NF2: variants seen among roughly 807,000 people sequenced by gnomAD.
NF2 encodes NF2, moesin-ezrin-radixin like (MERLIN) tumor suppressor, also known as merlin.
In NF2, 8 loss-of-function variants were observed where a neutral mutation model predicts 83.7. That is an observed-to-expected ratio of 0.10 (90% CI 0.06 to 0.17). The LOEUF (loss-of-function observed/expected upper bound fraction) is 0.17. Ranked by LOEUF, NF2 falls within the 10% of genes least tolerant of loss-of-function variation. NF2 has a pLI of 1.00. For synonymous variants in NF2, 266 were observed against 269.6 expected (o/e 0.99, Z 0.13); for missense variants, 533 against 744.4 (o/e 0.72, Z 3.31).
intron 1 of NF2, among the ~76,000 whole-genome samples, chr22:29,628,140 CTGTGTGTGTGTGTGTGTGTGTGTGTGTG>C (rs3138701): frequency 7.2e-6 from 1 of 139,676 alleles, no homozygotes. Flanking sequence ...GAGACTTAAT[CTGTGTGTGTGTGTGTGTGTGTGTGTGTG>C]TGTGTGTGTG....
Position 29,696,070 on chromosome 22 carries a change from T to TC in NF2, c.*1268_*1269insC, listed in dbSNP as rs898664956. 4 of 206,222 alleles carry TC rather than the reference T, an allele frequency of 1.9e-5. No individual in the cohort carries two copies. The highest frequency in any genetic ancestry group is 9.5e-5 in the African/African-American group (4 of 41,886). The allele number at this position is 206,222 out of a possible 1,614,324, so 12.8% of individuals were successfully genotyped here. A position where few individuals can be genotyped will look rare whatever the true frequency, so the allele number is the denominator to read the frequency against. On this transcript the variant is annotated 3_prime_UTR_variant, in exon 16 of 16. Coordinates refer to ENST00000338641, the MANE Select transcript of NF2 (RefSeq NM_000268.4). ...GGGGCCACCTTCTTGCCCTTTCTTT[T>TC]TTTTTTTTTTTTTTTTTTTCCGAGA...
intron 1 of NF2, among the ~76,000 whole-genome samples, chr22:29,612,069 G>A (rs748237781): frequency 2.0e-5 from 3 of 152,206 alleles, no homozygotes; most frequent in South Asian, 4.1e-4. Context: ...ATGCGGTGGC[G>A]CGATCTCGGC....
rs541777711 is a variant in NF2 at position 29,636,913 on chromosome 22, G to A, written c.240+37G>A. On this transcript the variant is annotated intron_variant, in intron 2 of 15. Transcript: ENST00000338641. This position sits in a 1 kb window ranked among gnomAD's most constrained non-coding sequence, Gnocchi z 4.4. ...ACTCGATGAAACTGGTGGGGCTGAC[G>A]TGAGCTTTCCAGTTTTTCCCTGAGC... 6.2e-6 allele frequency: 10 copies of A among 1,613,340 alleles called. No individual in the cohort carries two copies. Among genetic ancestry groups the A allele is most frequent in the Admixed American group, 5.0e-5 (3 of 60,024 alleles).
intron 13 of NF2, among the ~76,000 whole-genome samples, chr22:29,675,764 C>T (rs764865364): frequency 6.6e-6 from 1 of 152,070 alleles, no homozygotes; most frequent in Non-Finnish European, 1.5e-5. Flanking sequence ...GACACACACA[C>T]GTACCCATAC....
At chr22:29,642,334 C>A (rs2146896039) in intron 4 of NF2, 49 bp downstream of exon 4, 2 of 1,416,592 alleles carry the variant, frequency 1.4e-6, no homozygotes, top group South Asian at 1.2e-5. Flanking sequence ...TAATTTGGGT[C>A]ATGGGATCAC....
intron 15 of NF2, among the ~76,000 whole-genome samples, chr22:29,682,158 C>T (rs1011975967): frequency 6.6e-6 from 1 of 152,034 alleles, no homozygotes; most frequent in Non-Finnish European, 1.5e-5. Context: ...TCAGCATTGT[C>T]GAGATTCAGA....
At chr22:29,632,289 A>G (rs2065535292) in intron 1 of NF2, among the ~76,000 whole-genome samples, 2 of 152,044 alleles carry the variant, frequency 1.3e-5, no homozygotes, top group Non-Finnish European at 2.9e-5. Flanking sequence ...ACTTGTGCAT[A>G]TGCTATTCCC....
At chr22:29,646,623 C>T (rs2065988471) in intron 4 of NF2, among the ~76,000 whole-genome samples, 1 of 152,172 alleles carries the variant, frequency 6.6e-6, no homozygotes, top group South Asian at 2.1e-4. Flanking sequence ...AGTATTTCAG[C>T]TGTTGGAATG....
chr22:29,605,148 C>A (rs1330172112), intron 1 of NF2, among the ~76,000 whole-genome samples: 1 of 125,726 alleles, frequency 8.0e-6, no homozygotes, highest in East Asian at 2.5e-4. Context: ...CCACACCTGG[C>A]TAATTTTTTT....
At chr22:29,668,500 T>C (rs766590635) in intron 10 of NF2, 54 bp downstream of exon 10, 249 of 1,420,322 alleles carry the variant, frequency 1.8e-4, no homozygotes, top group Non-Finnish European at 2.4e-4. Flanking sequence ...AGTCCTGGCC[T>C]GGGAGGCGAG....
chr22:29,622,646 ATTTTTTTTT>A (rs35744962), intron 1 of NF2, among the ~76,000 whole-genome samples: 44 of 63,280 alleles, frequency 7.0e-4, no homozygotes, highest in Middle Eastern at 0.013. Context: ...AAGACCCTGT[ATTTTTTTTT>A]TTTTTTTTTT....
intron 4 of NF2, among the ~76,000 whole-genome samples, chr22:29,650,848 C>T (rs1234753168): frequency 6.6e-6 from 1 of 152,180 alleles, no homozygotes; most frequent in Non-Finnish European, 1.5e-5. Context: ...GGTGATCCAT[C>T]CGCCTCGGCC....
At chr22:29,660,280 C>T (rs537141388) in intron 7 of NF2, among the ~76,000 whole-genome samples, 4 of 152,298 alleles carry the variant, frequency 2.6e-5, no homozygotes, top group Non-Finnish European at 5.9e-5. Context: ...AGCATAAGTA[C>T]GGCTTTTAGA....
intron 15 of NF2, among the ~76,000 whole-genome samples, chr22:29,689,431 C>T (rs2067349883): frequency 6.6e-6 from 1 of 152,034 alleles, no homozygotes; most frequent in South Asian, 2.1e-4. Context: ...ACACCCTCCC[C>T]CGCTCCTTCG....
intron 7 of NF2, among the ~76,000 whole-genome samples, chr22:29,660,025 C>G (rs2066431242): frequency 6.6e-6 from 1 of 152,182 alleles, no homozygotes; most frequent in East Asian, 1.9e-4. Context: ...TCTCAGTTTG[C>G]AGACCTGTTT....
chr22:29,618,444 T>C (rs906732580), intron 1 of NF2, among the ~76,000 whole-genome samples: 1 of 145,266 alleles, frequency 6.9e-6, no homozygotes, highest in South Asian at 2.4e-4. Context: ...AGTTCAGACT[T>C]TTTTTCTTTT....
chr22:29,693,461 A>T (rs2067459419), intron 15 of NF2, among the ~76,000 whole-genome samples: 1 of 152,208 alleles, frequency 6.6e-6, no homozygotes, highest in African/African-American at 2.4e-5. Flanking sequence ...CTGTCTTCTG[A>T]TGGTGAAGTG....
chr22:29,682,402 G>A (rs1206509060), intron 15 of NF2, among the ~76,000 whole-genome samples: 10 of 152,096 alleles, frequency 6.6e-5, no homozygotes, highest in Admixed American at 3.9e-4. Context: ...CCAGTTTTAT[G>A]GACTGTCTCT....
rs567992915 is a variant in NF2 at position 29,622,242 on chromosome 22, A to G, written c.115-14509A>G. On this transcript the variant is annotated intron_variant, in intron 1 of 15. Transcript: ENST00000338641. ...TTTTGTAAACTTGCCAGTGGCTTAC[A>G]TTTTTGCCGGATGAATGACATGACT... Among the ~76,000 whole-genome samples, 5 of 152,324 alleles carry G rather than the reference A, an allele frequency of 3.3e-5. No homozygotes were observed. In the South Asian group the frequency reaches 8.3e-4, roughly 25 times the overall value.
Sources: allele counts gnomAD v4.1 joint callset (sites outside exome capture counted in the v4.1 genomes callset), GRCh38; gene constraint gnomAD v4.1.1; non-coding constraint Gnocchi (gnomAD v3.1); transcripts MANE v1.5; gene names NCBI Gene and HGNC (gene_info 2026-07-23, HGNC 2026-07-21).